The following KCNIP1 variants were observed in gnomAD, a reference collection of about 807,000 sequenced individuals.
KCNIP1 encodes A-type potassium channel modulatory protein KCNIP1.
Under a neutral mutation model 33.0 loss-of-function variants are expected in KCNIP1, and 18 were observed. The ratio of observed to expected loss-of-function variants is 0.55; its 90% confidence interval spans 0.38 to 0.81. KCNIP1 has a LOEUF of 0.81. Among genes scored for constraint, KCNIP1 ranks in the 30% least tolerant of loss-of-function variants. The pLI is 0.00. For synonymous variants in KCNIP1, 93 were observed against 98.3 expected, an observed-to-expected ratio of 0.95 and a Z score of 0.32; for missense variants, 238 against 271.6, an observed-to-expected ratio of 0.88 and a Z score of 0.87.
chr5:170,383,290 A>G, intron 1 of KCNIP1: 1 of 433,988 alleles, frequency 2.3e-6, no homozygotes, highest in South Asian at 3.8e-5. Context: ...CTGAGGTTGT[A>G]GAATGAAAGT....
chr5:170,411,632 A>G (rs1755191978), intron 1 of KCNIP1, among the ~76,000 whole-genome samples: 1 of 92,118 alleles, frequency 1.1e-5, no homozygotes, highest in Non-Finnish European at 2.4e-5. Context: ...GAATTCAGAC[A>G]TGATTATATC....
chr5:170,584,738 C>T (rs75050061), intron 1 of KCNIP1, among the ~76,000 whole-genome samples: 5,720 of 152,198 alleles, frequency 0.038, 146 homozygotes, highest in Non-Finnish European at 0.05. Flanking sequence ...CTCATATGCT[C>T]CTTTTTTTCT....
At chr5:170,446,764 T>C (rs1023135599) in intron 1 of KCNIP1, among the ~76,000 whole-genome samples, 10 of 152,030 alleles carry the variant, frequency 6.6e-5, no homozygotes, top group African/African-American at 2.4e-4. Flanking sequence ...ACTTCTATCT[T>C]CTCCCCAGTT....
intron 1 of KCNIP1, among the ~76,000 whole-genome samples, chr5:170,534,471 AAGGAGGAGGAGGAGG>A (rs34048947): frequency 6.7e-6 from 1 of 149,330 alleles, no homozygotes; most frequent in Non-Finnish European, 1.5e-5. Context: ...GGAGAGGGAG[AAGGAGGAGGAGGAGG>A]AGGAGGAGGA....
Position 170,622,925 on chromosome 5 carries a change from C to T in KCNIP1, c.62-95833C>T, listed in dbSNP as rs188965635. Among the ~76,000 whole-genome samples, 14 of 152,306 alleles carry T rather than the reference C, an allele frequency of 9.2e-5. No individual in the cohort carries two copies. The East Asian group carries it at 1.4e-3, about 15-fold the overall frequency. ...GGTTCAGTGGAAGACAATTTTTCCA[C>T]GGACAGGGTGTGTGGGGTGGGAGAT... On this transcript the variant is annotated intron_variant, in intron 1 of 7. Transcript: ENST00000328939.
chr5:170,610,000 G>T (rs776787524), intron 1 of KCNIP1, among the ~76,000 whole-genome samples: 1 of 152,188 alleles, frequency 6.6e-6, no homozygotes, highest in African/African-American at 2.4e-5. Context: ...GCTGGGGTGG[G>T]TCCTAATTTG....
chr5:170,597,784 A>AATAAATAAAT (rs1433551163), intron 1 of KCNIP1, among the ~76,000 whole-genome samples: 1 of 134,434 alleles, frequency 7.4e-6, no homozygotes, highest in African/African-American at 3.1e-5. Context: ...GAGAGAGATA[A>AATAAATAAAT]ATATATATAT....
chr5:170,416,427 G>T (rs1354073711), intron 1 of KCNIP1, among the ~76,000 whole-genome samples: 1 of 152,146 alleles, frequency 6.6e-6, no homozygotes, highest in African/African-American at 2.4e-5. Flanking sequence ...TTAAAGAAAT[G>T]ATGCGGAGGA....
intron 1 of KCNIP1, among the ~76,000 whole-genome samples, chr5:170,467,639 T>G (rs754039581): frequency 1.3e-5 from 2 of 152,078 alleles, no homozygotes; most frequent in Non-Finnish European, 2.9e-5. Flanking sequence ...AAGTATAGGC[T>G]GGGCGCGGTG....
intron 1 of KCNIP1, among the ~76,000 whole-genome samples, chr5:170,441,300 C>T (rs1755981550): frequency 6.6e-6 from 1 of 152,068 alleles, no homozygotes; most frequent in Admixed American, 6.5e-5. Context: ...GAACTTGGTG[C>T]TTTGTAGAGA....
At chr5:170,474,611 C>T (rs1181250735) in intron 1 of KCNIP1, among the ~76,000 whole-genome samples, 1 of 152,164 alleles carries the variant, frequency 6.6e-6, no homozygotes, top group Non-Finnish European at 1.5e-5. Context: ...TTCTGATTCC[C>T]ATAGACTCCT....
Position 170,376,411 on chromosome 5 carries a change from C to A in KCNIP1, c.88+22447C>A, listed in dbSNP as rs185312972. The A allele has an allele frequency of 4.7e-3, 716 of 152,106 alleles. 5 individuals are homozygous for A. The highest frequency in any genetic ancestry group is 0.041 in the Middle Eastern group (12 of 294). 9.4% of individuals were successfully genotyped at this position (152,106 alleles called of 1,614,324 possible). A position where few individuals can be genotyped will look rare whatever the true frequency, so the allele number is the denominator to read the frequency against. On this transcript the variant is annotated intron_variant, in intron 1 of 7. Transcript: ENST00000377360. Reference sequence around the variant, plus strand: ...ATCTCCTGACCTCGTGATCTGCCCACCTCGGCCTCCCAAAGTGCTGGGATT... The same window carrying A: ...ATCTCCTGACCTCGTGATCTGCCCAACTCGGCCTCCCAAAGTGCTGGGATT...
intron 1 of KCNIP1, among the ~76,000 whole-genome samples, chr5:170,549,912 G>A (rs569684126): frequency 2.7e-4 from 41 of 152,096 alleles, no homozygotes; most frequent in Non-Finnish European, 4.6e-4. Context: ...ATTTAAATGT[G>A]GATTATAGAG....
intron 1 of KCNIP1, among the ~76,000 whole-genome samples, chr5:170,493,718 T>C (rs1022329160): frequency 6.6e-6 from 1 of 152,202 alleles, no homozygotes; most frequent in Non-Finnish European, 1.5e-5. Flanking sequence ...CAAATTCTGA[T>C]TCATCTTTCA....
intron 1 of KCNIP1, among the ~76,000 whole-genome samples, chr5:170,705,044 T>A (rs570149909): frequency 1.1e-3 from 164 of 152,360 alleles, no homozygotes; most frequent in Non-Finnish European, 2.0e-3. Flanking sequence ...AATCACGAAG[T>A]TCATAATGTC....
intron 1 of KCNIP1, among the ~76,000 whole-genome samples, chr5:170,450,061 C>G (rs1561631655): frequency 6.6e-6 from 1 of 152,066 alleles, no homozygotes; most frequent in Non-Finnish European, 1.5e-5. Context: ...TGAAACATGG[C>G]CTTTAATCAT....
intron 3 of KCNIP1, among the ~76,000 whole-genome samples, chr5:170,720,776 C>T (rs1447260271): frequency 6.6e-6 from 1 of 152,242 alleles, no homozygotes; most frequent in Admixed American, 6.5e-5. Context: ...TTTTGCCATG[C>T]TGGCACCACC....
intron 1 of KCNIP1, among the ~76,000 whole-genome samples, chr5:170,401,396 C>G (rs1754899082): frequency 6.6e-6 from 1 of 152,132 alleles, no homozygotes; most frequent in Non-Finnish European, 1.5e-5. Flanking sequence ...GAGTTCTCAG[C>G]AGAGCACCAT....
At chr5:170,650,315 C>T (rs1581446561) in intron 1 of KCNIP1, among the ~76,000 whole-genome samples, 1 of 151,950 alleles carries the variant, frequency 6.6e-6, no homozygotes, top group African/African-American at 2.4e-5. Context: ...CTTTTTAATC[C>T]CACCTTCCAT....
Sources: gnomAD v4.1 joint callset for allele counts (sites outside exome capture counted in the v4.1 genomes callset) on GRCh38, gnomAD v4.1.1 for gene constraint, MANE v1.5 for transcripts, NCBI Gene and HGNC (gene_info 2026-07-23, HGNC 2026-07-21) for gene names.